Variants in LGR6 observed in about 807,000 individuals in gnomAD.
The protein encoded by LGR6 is leucine rich repeat containing G protein-coupled receptor 6, also known as leucine-rich repeat-containing G protein-coupled receptor 6.
LGR6 carries 45 observed loss-of-function variants against 69.4 expected under a neutral mutation model. The ratio of observed to expected loss-of-function variants is 0.65; its 90% CI spans 0.51 to 0.83. The LOEUF (loss-of-function observed/expected upper bound fraction) is 0.83. LGR6 is among the 40% of genes least tolerant of loss of function. The probability of loss-of-function intolerance (pLI) is 0.00; values close to 1 mark genes in which losing one functional copy is unlikely to be tolerated. For synonymous variants in LGR6, 538 were observed against 555.0 expected (o/e 0.97, Z 0.43); for missense variants, 1,108 against 1,246.7 (o/e 0.89, Z 1.68).
intron 4 of LGR6, among the ~76,000 whole-genome samples, chr1:202,263,487 G>A (rs186115735): frequency 4.5e-4 from 68 of 152,208 alleles, no homozygotes; most frequent in African/African-American, 1.6e-3. Flanking sequence ...TTAGTGAGAA[G>A]GTAGCTAAGT....
At chr1:202,298,832 T>A (rs1036967112) in intron 7 of LGR6, 3 of 152,206 alleles carry the variant, frequency 2.0e-5, no homozygotes, top group Admixed American at 2.0e-4. Context: ...GCTTAGTATC[T>A]TTATAGCTCA....
chr1:202,225,449 AGC>A lies in LGR6; in HGVS notation c.240_241del (p.Glu80AspfsTer79), dbSNP rs746989313. The A allele has an allele frequency of 3.1e-6, 5 of 1,613,966 alleles. No individual in the cohort carries two copies. In the South Asian group the frequency reaches 5.5e-5, roughly 18 times the overall value. The stretch of plus-strand genomic sequence containing the variant: ...GACCTCAGCATGAACAACCTCACAG[AGC>A]TTCAGCCTGGCCTCTTCCACCACCT... On this transcript the variant is annotated frameshift_variant, in exon 2 of 18. Transcript: ENST00000367278. LOFTEE classifies it high-confidence loss of function.
chr1:202,269,198 G>A (rs1338695891), intron 4 of LGR6, among the ~76,000 whole-genome samples: 1 of 152,136 alleles, frequency 6.6e-6, no homozygotes. Flanking sequence ...GAGCCACTGT[G>A]CCCAGCTGAG....
intron 4 of LGR6, among the ~76,000 whole-genome samples, chr1:202,247,573 T>C (rs1215803323): frequency 6.6e-6 from 1 of 152,194 alleles, no homozygotes; most frequent in African/African-American, 2.4e-5. Flanking sequence ...GGTTTGGTTG[T>C]GGACCCACTT....
intron 1 of LGR6, among the ~76,000 whole-genome samples, chr1:202,221,841 C>T (rs1660178884): frequency 6.6e-6 from 1 of 152,240 alleles, no homozygotes; most frequent in Non-Finnish European, 1.5e-5. Flanking sequence ...CTCTTATTTC[C>T]CCTGGGTCCA....
chr1:202,318,842 G>T lies in LGR6; in HGVS notation c.2539G>T (p.Asp847Tyr), dbSNP rs1373754004. Reference sequence around the variant, plus strand: ...TCGGCGGCTTCGGCCCCGCGCAGGGGACTCAGGGCCCCTAGCCTATGCTGC... The same window carrying T: ...TCGGCGGCTTCGGCCCCGCGCAGGGTACTCAGGGCCCCTAGCCTATGCTGC... ...DLRRLRPRAGDSGPLAYAAAG... is the reference protein window; with the variant it reads ...DLRRLRPRAGYSGPLAYAAAG... Residue 847 changes from aspartate (D) to tyrosine (Y), a missense_variant, in exon 18 of 18, where the codon GAC becomes TAC. By Grantham distance (160) the Asp-to-Tyr change is radical (BLOSUM62 -3). Coordinates refer to ENST00000367278, the MANE Select transcript of LGR6 (RefSeq NM_001017403.2). 1.2e-6 allele frequency: 2 copies of T among 1,613,426 alleles called. No homozygotes were observed. The highest frequency in any genetic ancestry group is 2.2e-5 in the East Asian group (1 of 44,876).
intron 4 of LGR6, among the ~76,000 whole-genome samples, chr1:202,238,427 T>A (rs1558026223): frequency 6.7e-6 from 1 of 148,780 alleles, no homozygotes; most frequent in Non-Finnish European, 1.5e-5. Context: ...TTTTTTTTTT[T>A]TTTTTTTTTT....
chr1:202,228,174 G>C (rs1225149689), intron 3 of LGR6, among the ~76,000 whole-genome samples, 167 bp downstream of exon 3: 1 of 152,184 alleles, frequency 6.6e-6, no homozygotes, highest in Non-Finnish European at 1.5e-5. Context: ...CACCTTGTCT[G>C]TAACAAACTT....
chr1:202,205,822 C>T (rs1430637649), intron 1 of LGR6, among the ~76,000 whole-genome samples: 1 of 137,528 alleles, frequency 7.3e-6, no homozygotes, highest in South Asian at 2.5e-4. Context: ...TTCATACACA[C>T]ACACCCCAAC....
Position 202,281,023 on chromosome 1 carries a change from T to C in LGR6, c.716+171T>C, listed in dbSNP as rs541123299. On this transcript the variant is annotated intron_variant, in intron 6 of 17. Coordinates refer to ENST00000367278, the MANE Select transcript of LGR6 (RefSeq NM_001017403.2). ...CCTGGCACTTTCTCTGGAATATCAC[T>C]GAGAATGAATTTCTTCCTCCTTCAG... 2.9e-4 allele frequency: 170 copies of C among 595,816 alleles called. 3 individuals carry two copies. The highest frequency in any genetic ancestry group is 1.1e-3 in the Middle Eastern group (4 of 3,652). 36.9% of individuals were successfully genotyped at this position (595,816 alleles called of 1,614,324 possible).
intron 2 of LGR6, among the ~76,000 whole-genome samples, chr1:202,227,119 GT>G (rs918273748): frequency 7.3e-5 from 11 of 151,628 alleles, no homozygotes; most frequent in Admixed American, 2.0e-4. Context: ...TTTCCACATA[GT>G]TTTTTTTTAA....
intron 5 of LGR6, among the ~76,000 whole-genome samples, chr1:202,280,174 G>C (rs962218368): frequency 6.6e-6 from 1 of 151,752 alleles, no homozygotes; most frequent in Non-Finnish European, 1.5e-5. Flanking sequence ...GCATCACTTC[G>C]GGTCCCCCTT....
intron 1 of LGR6, among the ~76,000 whole-genome samples, chr1:202,214,993 GT>G (rs1659669354): frequency 2.5e-4 from 29 of 117,948 alleles, no homozygotes; most frequent in Non-Finnish European, 3.7e-4. Flanking sequence ...GCACCTGGGT[GT>G]GTGTGTGTGT....
intron 4 of LGR6, among the ~76,000 whole-genome samples, chr1:202,253,193 A>G (rs1571900474): frequency 6.6e-6 from 1 of 152,326 alleles, no homozygotes; most frequent in East Asian, 1.9e-4. Context: ...TTTGTGATCT[A>G]TAAACTAGGA....
Position 202,318,090 on chromosome 1 carries a change from C to T in LGR6, c.1787C>T (p.Pro596Leu), listed in dbSNP as rs890282048. The T allele has an allele frequency of 3.9e-5, 63 of 1,614,182 alleles. No individual in the cohort carries two copies. In the South Asian group the frequency reaches 4.3e-4, roughly 11 times the overall value. Reference protein sequence around the residue: ...VFAGGPVPLPPVKFVVGAIAG... With the variant: ...VFAGGPVPLPLVKFVVGAIAG... ...GCTGGCGGGCCTGTCCCCCTGCCCC[C>T]GGTCAAGTTTGTGGTAGGTGCGATT... is the stretch of plus-strand genomic sequence containing the variant. Residue 596 changes from proline to leucine, a missense_variant, in exon 18 of 18, where the codon CCG (proline) becomes CTG (leucine). Transcript: ENST00000367278.
chr1:202,222,053 C>T (rs1166796932), intron 1 of LGR6, among the ~76,000 whole-genome samples: 1 of 152,270 alleles, frequency 6.6e-6, no homozygotes, highest in African/African-American at 2.4e-5. Flanking sequence ...GGGCCCAGTG[C>T]CTCTTGCCAG....
chr1:202,302,774 T>C (rs1344574341), intron 9 of LGR6, among the ~76,000 whole-genome samples: 1 of 152,124 alleles, frequency 6.6e-6, no homozygotes, highest in Non-Finnish European at 1.5e-5. Flanking sequence ...CTCGAACTCC[T>C]GACCTCAGGT....
intron 14 of LGR6, 57 bp from the exon 15 acceptor site, chr1:202,308,994 C>G: frequency 6.2e-7 from 1 of 1,603,054 alleles, no homozygotes; most frequent in Non-Finnish European, 8.5e-7. Flanking sequence ...TCAGCACAGC[C>G]CTGCCCCCTC....
At chr1:202,246,445 A>T (rs191611955) in intron 4 of LGR6, among the ~76,000 whole-genome samples, 6 of 111,596 alleles carry the variant, frequency 5.4e-5, no homozygotes, top group African/African-American at 2.2e-4. Flanking sequence ...CCATCCCTCC[A>T]TGCATCCATC....
Sources: gnomAD v4.1 joint callset for allele counts (sites outside exome capture counted in the v4.1 genomes callset) on GRCh38, gnomAD v4.1.1 for gene constraint, MANE v1.5 for transcripts, NCBI Gene and HGNC (gene_info 2026-07-23, HGNC 2026-07-21) for gene names.